The following ZAP70 variants were observed in gnomAD, a reference collection of about 807,000 sequenced individuals.
ZAP70 encodes the protein tyrosine-protein kinase ZAP-70.
ZAP70 carries 27 observed loss-of-function variants against 65.8 expected under a neutral mutation model. That is an observed-to-expected ratio of 0.41 (90% confidence interval 0.30 to 0.57). The LOEUF (loss-of-function observed/expected upper bound fraction) is 0.57. Among genes scored for constraint, ZAP70 ranks in the 20% least tolerant of loss-of-function variants. The probability of loss-of-function intolerance (pLI) is 0.28; values close to 1 mark genes in which losing one functional copy is unlikely to be tolerated. For synonymous variants in ZAP70, 363 were observed against 360.8 expected (o/e 1.01, Z -0.07); for missense variants, 696 against 870.5 (o/e 0.80, Z 2.52).
chr2:97,721,620 G>A (rs562767703), intron 2 of ZAP70, among the ~76,000 whole-genome samples: 2 of 122,746 alleles, frequency 1.6e-5, no homozygotes, highest in Non-Finnish European at 3.3e-5. Flanking sequence ...TTTTAGTAGA[G>A]ACAGGGTTTC....
At chr2:97,755,857 G>A in the ZAP70 span, among the ~76,000 whole-genome samples, 1 of 152,250 alleles carries the variant, frequency 6.6e-6, no homozygotes, top group Non-Finnish European at 1.5e-5. Flanking sequence ...GTTGGACACA[G>A]ACTGTTCCTG....
chr2:97,732,880 C>T lies in ZAP70; in HGVS notation c.564-3C>T. ...GGTTACATCCCCTCCCTTCCCCTGCCAGGCTGAGGCCGCGGAAGGAGCAGG... is the reference window on the plus strand; with the variant it reads ...GGTTACATCCCCTCCCTTCCCCTGCTAGGCTGAGGCCGCGGAAGGAGCAGG... On this transcript the variant is annotated splice_region_variant and splice_polypyrimidine_tract_variant and intron_variant, in intron 4 of 13. Transcript: ENST00000264972. The T allele has an allele frequency of 6.2e-7, 1 of 1,613,888 alleles. No homozygotes were observed. The highest frequency in any genetic ancestry group is 1.1e-5 in the South Asian group (1 of 91,078).
intron 4 of ZAP70, among the ~76,000 whole-genome samples, chr2:97,727,833 A>G (rs1185809955): frequency 1.3e-5 from 2 of 151,442 alleles, no homozygotes; most frequent in Non-Finnish European, 1.5e-5. Flanking sequence ...CCCCACCCCC[A>G]TCTCTCTTCC....
Position 97,724,421 on chromosome 2 carries a change from C to A in ZAP70, c.385C>A (p.Gln129Lys). The change falls in exon 3 of 14, where the codon CAG becomes AAG. Residue 129 changes from glutamine (Q) to lysine (K), a missense_variant. Gln to Lys is a moderately conservative substitution (Grantham distance 53). This residue lies in a region of ZAP70 where 551 missense variants were observed against 630.0 expected (regional missense o/e 0.87). Transcript: ENST00000264972. The stretch of plus-strand genomic sequence containing the variant: ...CGCCATGGTGCGTGACTACGTGCGC[C>A]AGACGTGGAAGCTGGAGGTGAGAGC... ...RDAMVRDYVRQTWKLEGEALE... is the reference protein window; with the variant it reads ...RDAMVRDYVRKTWKLEGEALE... 6.5e-7 allele frequency: 1 copy of A among 1,537,014 alleles called. No individual in the cohort carries two copies.
chr2:97,740,266 C>CAA, downstream of ZAP70, among the ~76,000 whole-genome samples: 1 of 152,186 alleles, frequency 6.6e-6, no homozygotes, highest in Non-Finnish European at 1.5e-5. Context: ...TTGGTAGATG[C>CAA]ACGTATTAGC....
At position 97,738,009 on chromosome 2, in the gene ZAP70, G is replaced by A. The variant is rs115143372; in HGVS notation, c.1638G>A (p.Pro546=). 208 of 1,613,806 alleles carry A rather than the reference G, an allele frequency of 1.3e-4. No homozygotes were observed. The African/African-American group carries it at 2.3e-3, about 18-fold the overall frequency. ...GQKPYKKMKG[P]EVMAFIEQGK... is the part of the protein sequence containing the mutation. Reference sequence around the variant, plus strand: ...GGCTTGAGCAGAAGATGAAAGGGCCGGAGGTCATGGCCTTCATCGAGCAGG... The same window carrying A: ...GGCTTGAGCAGAAGATGAAAGGGCCAGAGGTCATGGCCTTCATCGAGCAGG... Residue 546 remains proline, a synonymous_variant, in exon 13 of 14, where the codon CCG becomes CCA. Transcript: ENST00000264972.
the ZAP70 span, among the ~76,000 whole-genome samples, chr2:97,747,821 T>TTG: frequency 8.2e-6 from 1 of 122,056 alleles, no homozygotes; most frequent in Non-Finnish European, 1.7e-5. Flanking sequence ...CGAGGTTTTT[T>TTG]TTTTTTTTTT....
chr2:97,724,285 C>G lies in ZAP70; in HGVS notation c.249C>G (p.Leu83=). 1 of 1,600,864 alleles carries G rather than the reference C, an allele frequency of 6.2e-7. No individual in the cohort carries two copies. Among genetic ancestry groups the G allele is most frequent in the Non-Finnish European group, 8.5e-7 (1 of 1,176,282 alleles). The change falls in exon 3 of 14, where the codon CTC becomes CTG. Residue 83 remains leucine, a synonymous_variant. Transcript: ENST00000264972. The part of the protein sequence containing the change: ...GGKAHCGPAE[L]CEFYSRDPDG... ...AAGCGCACTGTGGACCGGCAGAGCT[C>G]TGCGAGTTCTACTCGCGCGACCCCG...
the ZAP70 span, among the ~76,000 whole-genome samples, chr2:97,755,516 A>G: frequency 6.6e-6 from 1 of 152,208 alleles, no homozygotes. Context: ...GTAAACTGCT[A>G]AAGCATTTTA....
At chr2:97,718,089 G>C (rs892679287) in intron 2 of ZAP70, among the ~76,000 whole-genome samples, 3 of 152,190 alleles carry the variant, frequency 2.0e-5, no homozygotes, top group African/African-American at 7.2e-5. Flanking sequence ...GCCAGGCTTG[G>C]GGAATGAACA....
intron 4 of ZAP70, among the ~76,000 whole-genome samples, chr2:97,729,533 A>G (rs1261307321): frequency 6.6e-6 from 1 of 152,234 alleles, no homozygotes; most frequent in Non-Finnish European, 1.5e-5. Flanking sequence ...ATTTAGAACC[A>G]ATATCTTAAT....
chr2:97,735,240 G>C lies in ZAP70; in HGVS notation c.1083-10G>C. 1 of 1,613,730 alleles carries C rather than the reference G, an allele frequency of 6.2e-7. No homozygotes were observed. The highest frequency in any genetic ancestry group is 1.1e-5 in the South Asian group (1 of 91,088). On this transcript the variant is annotated splice_polypyrimidine_tract_variant and intron_variant, in intron 9 of 13. Transcript: ENST00000264972. The stretch of plus-strand genomic sequence containing the variant: ...CTCGCCCACGTGCCTCCCGTGGCCG[G>C]GTCGGGCAGGAAGCAGATCGACGTG...
rs1478842170 is a variant in ZAP70, at chr2:97,736,009, AAAAAT to A, written c.1289+557_1289+561del. Among the ~76,000 whole-genome samples the A allele has an allele frequency of 1.3e-5, 2 of 152,140 alleles. No homozygotes were observed. Among genetic ancestry groups the A allele is most frequent in the African/African-American group, 4.8e-5 (2 of 41,416 alleles). On this transcript the variant is annotated intron_variant, in intron 10 of 13. Transcript: ENST00000264972. The surrounding 1 kb of genome is among the most constrained non-coding windows in gnomAD (Gnocchi z 4.0). ...GGGACAGAGCGAAACTCCATCTCAA[AAAAAT>A]AAATAAATAAAAATAAATAAAGGGC...
At chr2:97,714,782 C>T (rs1559314377) in intron 2 of ZAP70, among the ~76,000 whole-genome samples, 1 of 152,186 alleles carries the variant, frequency 6.6e-6, no homozygotes, top group Non-Finnish European at 1.5e-5. Context: ...TAAGGTGCCA[C>T]CTGTGAAGCT....
At chr2:97,747,815 G>GTTTTTTTTTTTTTTTTTTTTTTTTT in the ZAP70 span, among the ~76,000 whole-genome samples, 1 of 54,792 alleles carries the variant, frequency 1.8e-5, no homozygotes, top group African/African-American at 8.8e-5. Context: ...CTGGCACGAG[G>GTTTTTTTTTTTTTTTTTTTTTTTTT]TTTTTTTTTT....
At chr2:97,738,428 ACACT>A (rs1179522133) in intron 13 of ZAP70, 1 of 413,628 alleles carries the variant, frequency 2.4e-6, no homozygotes, top group Non-Finnish European at 4.6e-6. Context: ...TATGACACTG[ACACT>A]CAGGGCATGA....
the ZAP70 span, among the ~76,000 whole-genome samples, chr2:97,755,924 G>T: frequency 6.6e-6 from 1 of 152,192 alleles, no homozygotes; most frequent in East Asian, 1.9e-4. Context: ...GTGAATCTGC[G>T]GTCAGCCTGA....
rs764977425 is a variant in ZAP70, at chr2:97,733,554, G to A, written c.848G>A (p.Arg283Gln). 4 of 1,613,620 alleles carry A rather than the reference G, an allele frequency of 2.5e-6. No homozygotes were observed. Among genetic ancestry groups the A allele is most frequent in the East Asian group, 2.2e-5 (1 of 44,884 alleles). ...HPSTLTHPQRRIDTLNSDGYT... is the reference protein window; with the variant it reads ...HPSTLTHPQRQIDTLNSDGYT... ...CCCTGTGGCCTTTAGCCTCAGAGAC[G>A]AATCGACACCCTCAACTCAGATGGA... The change falls in exon 8 of 14, where the codon CGA (arginine) becomes CAA (glutamine). Residue 283 changes from arginine (R) to glutamine (Q), a missense_variant. Physicochemically the swap from Arg to Gln is conservative, Grantham distance 43 (BLOSUM62 1). This residue lies in a region of ZAP70 where 551 missense variants were observed against 630.0 expected (regional missense o/e 0.87). Transcript: ENST00000264972.
the ZAP70 span, among the ~76,000 whole-genome samples, chr2:97,750,397 G>T: frequency 6.6e-6 from 1 of 152,182 alleles, no homozygotes; most frequent in Non-Finnish European, 1.5e-5. Flanking sequence ...GGAGTCAGGG[G>T]TTTGCTCTGG....
Sources: allele counts gnomAD v4.1 joint callset (sites outside exome capture counted in the v4.1 genomes callset), GRCh38; gene constraint gnomAD v4.1.1; regional missense constraint gnomAD v4.1.1; non-coding constraint Gnocchi (gnomAD v3.1); transcripts MANE v1.5; gene names NCBI Gene and HGNC (gene_info 2026-07-23, HGNC 2026-07-21).